Variants in ACTR2 observed in about 807,000 individuals in gnomAD.
ACTR2 encodes actin-related protein 2.
ACTR2 carries 5 observed loss-of-function variants against 50.2 expected under a neutral mutation model. The ratio of observed to expected loss-of-function variants is 0.10; its 90% confidence interval spans 0.05 to 0.21. The LOEUF (loss-of-function observed/expected upper bound fraction) is 0.21. Among genes scored for constraint, ACTR2 ranks in the 10% least tolerant of loss-of-function variants. The probability of loss-of-function intolerance (pLI) is 1.00; values close to 1 mark genes in which losing one functional copy is unlikely to be tolerated. For missense variants in ACTR2, 180 were observed against 480.6 expected (o/e 0.37, Z 5.85); for synonymous variants, 140 against 162.9 (o/e 0.86, Z 1.07).
intron 3 of ACTR2, among the ~76,000 whole-genome samples, chr2:65,248,918 C>T (rs1671991956): frequency 6.6e-6 from 1 of 152,078 alleles, no homozygotes; most frequent in South Asian, 2.1e-4. Context: ...GAGGCTGAGG[C>T]AGGAGAATTG....
At position 65,260,729 on chromosome 2, in the gene ACTR2, C is replaced by CTT. The variant is rs34258160; in HGVS notation, c.736-501_736-500dup. 1.8e-3 allele frequency among the ~76,000 whole-genome samples: 233 copies of CTT among 132,124 alleles called. 3 individuals carry two copies. The highest frequency in any genetic ancestry group is 4.0e-3 in the African/African-American group (143 of 36,040). The allele number at this position is 132,124 out of a possible 152,430, so 86.7% of individuals were successfully genotyped here. ...CCTGATATTTGGGGGCGTGGCATACCTTTTTTTTTTTTTTTTTTGAGATGG... is the reference window on the plus strand; with the variant it reads ...CCTGATATTTGGGGGCGTGGCATACCTTTTTTTTTTTTTTTTTTTTGAGATGG... On this transcript the variant is annotated intron_variant, in intron 6 of 8. Coordinates refer to ENST00000260641, the MANE Select transcript of ACTR2 (RefSeq NM_005722.4).
chr2:65,228,007 G>A (rs1364804383), intron 1 of ACTR2, 50 bp downstream of exon 1: 2 of 1,468,110 alleles, frequency 1.4e-6, no homozygotes, highest in Non-Finnish European at 1.8e-6. Context: ...CGGCGGGGAC[G>A]AGCAGCTGGC....
intron 2 of ACTR2, among the ~76,000 whole-genome samples, chr2:65,243,852 G>C (rs968627903): frequency 6.6e-6 from 1 of 152,100 alleles, no homozygotes; most frequent in African/African-American, 2.4e-5. Flanking sequence ...TCAGATAGGT[G>C]ATGTTCAGTG....
chr2:65,256,647 G>A (rs1328060478), intron 6 of ACTR2, among the ~76,000 whole-genome samples: 8 of 152,088 alleles, frequency 5.3e-5, no homozygotes, highest in African/African-American at 9.7e-5. Context: ...CGAGGCAGGC[G>A]GATCACCTGA....
rs1320555816 is a variant in ACTR2, at chr2:65,255,623, T to A, written c.664T>A (p.Tyr222Asn). 1 of 1,613,972 alleles carries A rather than the reference T, an allele frequency of 6.2e-7. No homozygotes were observed. Among genetic ancestry groups the A allele is most frequent in the African/African-American group, 1.3e-5 (1 of 74,928 alleles). ...TVRMIKEKLC[Y>N]VGYNIEQEQK... ...TCGCATGATTAAAGAAAAACTGTGT[T>A]ACGTGGGATATAATATTGAGCAAGA... Residue 222 changes from tyrosine (Y) to asparagine (N), a missense_variant, in exon 6 of 9, where the codon TAC becomes AAC. Tyr to Asn is a moderately radical substitution (Grantham distance 143). Coordinates refer to ENST00000260641, the MANE Select transcript of ACTR2 (RefSeq NM_005722.4).
intron 8 of ACTR2, among the ~76,000 whole-genome samples, chr2:65,265,440 T>G (rs944025434): frequency 6.6e-6 from 1 of 152,254 alleles, no homozygotes; most frequent in Non-Finnish European, 1.5e-5. Context: ...CTGAGGCACC[T>G]GTATATGCAT....
intron 3 of ACTR2, among the ~76,000 whole-genome samples, chr2:65,250,441 G>T (rs1441904919): frequency 6.6e-6 from 1 of 151,898 alleles, no homozygotes; most frequent in Non-Finnish European, 1.5e-5. Flanking sequence ...TTGGGAGGCC[G>T]AGGTGGGTGG....
Position 65,255,638 on chromosome 2 carries a change from A to G in ACTR2, c.679A>G (p.Ile227Val). 1.2e-6 allele frequency: 2 copies of G among 1,614,060 alleles called. No individual in the cohort carries two copies. The highest frequency in any genetic ancestry group is 1.7e-6 in the Non-Finnish European group (2 of 1,179,922). ...KEKLCYVGYN[I>V]EQEQKLALET... ...AAAACTGTGTTACGTGGGATATAAT[A>G]TTGAGCAAGAGCAGAAACTGGCCTT... is the stretch of plus-strand genomic sequence containing the variant. The change falls in exon 6 of 9, where the codon ATT becomes GTT. Residue 227 changes from isoleucine to valine, a missense_variant. Physicochemically the swap from Ile to Val is conservative, Grantham distance 29. Transcript: ENST00000260641.
intron 2 of ACTR2, chr2:65,246,311 A>G (rs887420121): frequency 7.8e-5 from 31 of 396,516 alleles, no homozygotes; most frequent in Non-Finnish European, 1.4e-4. Flanking sequence ...GTTAAAGGTA[A>G]GGTCAATTTA....
chr2:65,242,628 C>A (rs376772123), intron 2 of ACTR2: 8 of 509,494 alleles, frequency 1.6e-5, no homozygotes, highest in Non-Finnish European at 3.1e-5. Flanking sequence ...ACAACGTTAT[C>A]TGAGGATAAA....
At chr2:65,240,089 T>TCAGAAAAGGCCTAAATAAAATC in intron 2 of ACTR2, 127 bp downstream of exon 2, 1 of 611,246 alleles carries the variant, frequency 1.6e-6, no homozygotes. Flanking sequence ...GGGTAGAAGT[T>TCAGAAAAGGCCTAAATAAAATC]CTCATATTTT....
At chr2:65,234,076 A>C (rs1013561400) in intron 1 of ACTR2, among the ~76,000 whole-genome samples, 34 of 151,548 alleles carry the variant, frequency 2.2e-4, no homozygotes, top group African/African-American at 8.0e-4. Context: ...ACGCCTGGCT[A>C]ATTTTTGTAT....
intron 7 of ACTR2, among the ~76,000 whole-genome samples, chr2:65,264,563 A>G (rs1339123537): frequency 1.3e-5 from 2 of 152,220 alleles, no homozygotes; most frequent in South Asian, 2.1e-4. Flanking sequence ...GGGTACTGCT[A>G]TAAGAAGCAT....
chr2:65,240,638 G>GT (rs536906666), intron 2 of ACTR2, among the ~76,000 whole-genome samples: 97 of 152,316 alleles, frequency 6.4e-4, no homozygotes, highest in African/African-American at 2.3e-3. Context: ...TCAAGTAGGA[G>GT]TTACAATATT....
At chr2:65,248,751 C>T (rs976043312) in intron 3 of ACTR2, among the ~76,000 whole-genome samples, 30 of 152,020 alleles carry the variant, frequency 2.0e-4, no homozygotes, top group African/African-American at 6.5e-4. Context: ...TGAGGCCGGG[C>T]TAGGTGGCTC....
At chr2:65,235,289 CATT>C (rs1671718518) in intron 1 of ACTR2, among the ~76,000 whole-genome samples, 1 of 151,954 alleles carries the variant, frequency 6.6e-6, no homozygotes. Flanking sequence ...TCTTAGGTCA[CATT>C]ATTTAAGAAG....
chr2:65,239,218 G>A (rs926109806), intron 1 of ACTR2, among the ~76,000 whole-genome samples: 2 of 152,236 alleles, frequency 1.3e-5, no homozygotes, highest in African/African-American at 4.8e-5. Context: ...ACTTTGGGAC[G>A]CTGAGGCAGG....
intron 1 of ACTR2, among the ~76,000 whole-genome samples, chr2:65,229,118 C>T (rs998609058): frequency 4.6e-5 from 7 of 152,010 alleles, no homozygotes; most frequent in Admixed American, 4.6e-4. Context: ...TCAGACCTCC[C>T]TCTTGCCAGA....
chr2:65,243,435 T>G (rs7564659), intron 2 of ACTR2, among the ~76,000 whole-genome samples: 81,017 of 151,822 alleles, frequency 0.53, 21,997 homozygotes, highest in East Asian at 0.79. Flanking sequence ...TTCAAGACCA[T>G]CCTGGGCAAC....
Sources: allele counts gnomAD v4.1 joint callset (sites outside exome capture counted in the v4.1 genomes callset), GRCh38; gene constraint gnomAD v4.1.1; transcripts MANE v1.5; gene names NCBI Gene and HGNC (gene_info 2026-07-23, HGNC 2026-07-21).